Variants in POLR1D observed in about 807,000 individuals in gnomAD.
The protein encoded by POLR1D is DNA-directed RNA polymerases I and III subunit RPAC2.
In POLR1D, 8 loss-of-function variants were observed where a neutral mutation model predicts 10.8. That is an observed-to-expected ratio of 0.74 (90% CI 0.43 to 1.33). The LOEUF is 1.33. Ranked by LOEUF, POLR1D falls within the 40% of genes most tolerant of loss-of-function variation. The probability of loss-of-function intolerance (pLI) is 0.01; values close to 1 mark genes in which losing one functional copy is unlikely to be tolerated. For synonymous variants in POLR1D, 54 were observed against 57.2 expected (o/e 0.94, Z 0.25); for missense variants, 152 against 161.7 (o/e 0.94, Z 0.32).
At position 27,631,333 on chromosome 13, in the gene POLR1D, CAGAGTT is replaced by C. The variant is rs1566144003; in HGVS notation, c.26+9329_26+9334del. On this transcript the variant is annotated intron_variant, in intron 1 of 2. Coordinates refer to the POLR1D transcript ENST00000399697. ...TGGCTTCCTGCCAGAGCCAGGAAAA[CAGAGTT>C]AGAGAGAACCCAAGACAGAAGCCAG... 3.3e-5 allele frequency among the ~76,000 whole-genome samples: 5 copies of C among 152,294 alleles called. No individual in the cohort carries two copies. In the South Asian group the frequency reaches 6.2e-4, roughly 19 times the overall value.
chr13:27,666,170 TAC>T (rs1366121123), exon 3 of POLR1D: 18 of 575,474 alleles, frequency 3.1e-5, no homozygotes, highest in Non-Finnish European at 5.2e-5. Flanking sequence ...AAGTTTAAGC[TAC>T]TTCTGCAGTG....
chr13:27,666,972 CTCAGATCATCACCA>C (rs1440534416), exon 3 of POLR1D: 1 of 152,146 alleles, frequency 6.6e-6, no homozygotes, highest in Non-Finnish European at 1.5e-5. Flanking sequence ...CCTGGCTGTC[CTCAGATCATCACCA>C]TGCCACATCC....
At chr13:27,630,087 T>A (rs1410205764) in intron 1 of POLR1D, among the ~76,000 whole-genome samples, 7 of 151,950 alleles carry the variant, frequency 4.6e-5, no homozygotes, top group Non-Finnish European at 1.0e-4. Context: ...AATTTTTGTA[T>A]TTTTTAGTAG....
intron 2 of POLR1D, chr13:27,665,499 C>T: frequency 1.6e-6 from 1 of 621,052 alleles, no homozygotes; most frequent in Non-Finnish European, 2.8e-6. Context: ...TCAAGAATTC[C>T]AATCGTCTTT....
downstream of POLR1D, among the ~76,000 whole-genome samples, chr13:27,627,733 T>G (rs896424017): frequency 1.1e-4 from 13 of 117,546 alleles, no homozygotes; most frequent in East Asian, 1.3e-3. Flanking sequence ...TTTAGTTTTT[T>G]TTTTTTTTTT....
intron 2 of POLR1D, among the ~76,000 whole-genome samples, chr13:27,661,617 G>A (rs138714959): frequency 6.6e-6 from 1 of 152,198 alleles, no homozygotes; most frequent in Non-Finnish European, 1.5e-5. Context: ...AAGCTGATAC[G>A]AGAAAAGCCA....
chr13:27,641,699 A>C (rs913687926), intron 1 of POLR1D, among the ~76,000 whole-genome samples: 5 of 152,186 alleles, frequency 3.3e-5, no homozygotes, highest in Non-Finnish European at 5.9e-5. Flanking sequence ...CAGTGGGCCT[A>C]TAAGAAAGGA....
chr13:27,627,436 G>A (rs1422511217), downstream of POLR1D, among the ~76,000 whole-genome samples: 1 of 151,990 alleles, frequency 6.6e-6, no homozygotes, highest in Non-Finnish European at 1.5e-5. Flanking sequence ...ACCCTTCTGT[G>A]GTTTTGGAGA....
chr13:27,637,269 C>G (rs1423969132), intron 1 of POLR1D, among the ~76,000 whole-genome samples: 13 of 152,196 alleles, frequency 8.5e-5, no homozygotes, highest in Non-Finnish European at 1.5e-5. Flanking sequence ...AGAGATTAGT[C>G]TCCATGAGCT....
At chr13:27,634,200 C>T (rs929012279) in intron 1 of POLR1D, among the ~76,000 whole-genome samples, 7 of 152,120 alleles carry the variant, frequency 4.6e-5, no homozygotes, top group African/African-American at 9.7e-5. Flanking sequence ...AAAGATTGTA[C>T]TTTGTCCTTA....
chr13:27,622,990 G>T lies in POLR1D; in HGVS notation c.142G>T (p.Asp48Tyr), dbSNP rs1189463043. The change falls in exon 2 of 2, where the codon GAC becomes TAC. Residue 48 changes from aspartate (D) to tyrosine (Y), a missense_variant. By Grantham distance (160) the Asp-to-Tyr change is radical. Coordinates refer to ENST00000302979, the MANE Select transcript of POLR1D (RefSeq NM_015972.4). ...TGTGACATTTGTATTGCACGAGGAAGACCATACCCTAGGAAATTCTCTACG... is the reference window on the plus strand; with the variant it reads ...TGTGACATTTGTATTGCACGAGGAATACCATACCCTAGGAAATTCTCTACG... ...HCVTFVLHEE[D>Y]HTLGNSLRYM... The T allele has an allele frequency of 6.2e-7, 1 of 1,614,114 alleles. No homozygotes were observed. The highest frequency in any genetic ancestry group is 8.5e-7 in the Non-Finnish European group (1 of 1,179,974).
chr13:27,622,038 C>T, intron 1 of POLR1D, 29 bp downstream of exon 1: 1 of 1,564,460 alleles, frequency 6.4e-7, no homozygotes, highest in Non-Finnish European at 8.7e-7. Flanking sequence ...GCGGGCGGAG[C>T]GGGCCGCGCC....
chr13:27,631,250 AT>A (rs1956070296), intron 1 of POLR1D, among the ~76,000 whole-genome samples: 1 of 152,222 alleles, frequency 6.6e-6, no homozygotes, highest in South Asian at 2.1e-4. Context: ...TGAGGATTGC[AT>A]GGGAGACGAT....
intron 2 of POLR1D, among the ~76,000 whole-genome samples, chr13:27,652,697 C>G (rs993740051): frequency 6.6e-6 from 1 of 151,914 alleles, no homozygotes; most frequent in Non-Finnish European, 1.5e-5. Flanking sequence ...TGGTGAAATC[C>G]CATCTCTACT....
At chr13:27,666,128 G>C in exon 3 of POLR1D, 1 of 611,678 alleles carries the variant, frequency 1.6e-6, no homozygotes, top group Admixed American at 3.0e-5. Flanking sequence ...AGCAACTCTT[G>C]AGGAAACAAG....
At chr13:27,665,692 G>A (rs1956409246) in exon 3 of POLR1D, 1 of 1,613,920 alleles carries the variant, frequency 6.2e-7, no homozygotes, top group Non-Finnish European at 8.5e-7. Context: ...CCAGGATGAA[G>A]TGTCCTCTTG....
At chr13:27,621,711 C>A (rs543598838), upstream of POLR1D, 1 of 273,244 alleles carries the variant, frequency 3.7e-6, no homozygotes, top group East Asian at 7.1e-5. Context: ...CCCTGCCCCT[C>A]CCGCCGCGAG....
chr13:27,621,141 G>A (rs1308515782), upstream of POLR1D: 1 of 153,088 alleles, frequency 6.5e-6, no homozygotes, highest in East Asian at 1.9e-4. Context: ...GGGAACAAAG[G>A]TGAGGGCGGG....
At chr13:27,661,920 C>G (rs1486183889) in intron 2 of POLR1D, among the ~76,000 whole-genome samples, 1 of 152,088 alleles carries the variant, frequency 6.6e-6, no homozygotes, top group African/African-American at 2.4e-5. Context: ...TATGTAGTAG[C>G]CTCTTGATCC....
Sources: allele counts gnomAD v4.1 joint callset (sites outside exome capture counted in the v4.1 genomes callset), GRCh38; gene constraint gnomAD v4.1.1; transcripts MANE v1.5; gene names NCBI Gene and HGNC (gene_info 2026-07-23, HGNC 2026-07-21).